Variants in TTN observed in about 807,000 individuals in gnomAD.
TTN encodes connectin.
In TTN, 1,525 loss-of-function variants were observed where a neutral mutation model predicts 3,223.0. The observed-to-expected ratio is 0.47, with a 90% CI of 0.45 to 0.49. TTN has a LOEUF of 0.49. Among genes scored for constraint, TTN ranks in the 20% least tolerant of loss-of-function variants. TTN has a pLI of 0.00. For synonymous variants in TTN, 14,094 were observed against 15,161.0 expected, an observed-to-expected ratio of 0.93 and a Z score of 5.17; for missense variants, 40,786 against 43,424.0, an observed-to-expected ratio of 0.94 and a Z score of 5.40.
chr2:178,773,771 G>A (rs1373456464), intron 31 of TTN, 46 bp from the exon 32 acceptor site: 6 of 1,614,016 alleles, frequency 3.7e-6, no homozygotes, highest in African/African-American at 1.3e-5. Context: ...TGTTGAAATT[G>A]TCTGCTCCTT....
intron 240 of TTN, chr2:178,628,750 T>G (rs964553943): frequency 2.0e-5 from 3 of 152,246 alleles, no homozygotes; most frequent in African/African-American, 7.2e-5. Flanking sequence ...AATAGTCCAC[T>G]TGCATTCCAG....
rs375408819 is a variant in TTN at position 178,729,725 on chromosome 2, A to T, written c.18528T>A (p.Tyr6176Ter). The change falls in exon 63 of 363, where the codon TAT becomes TAA. Residue 6176 changes from tyrosine to a stop codon, truncating the protein, a stop_gained. Coordinates refer to ENST00000589042, the MANE Select transcript of TTN (RefSeq NM_001267550.2). LOFTEE classifies it high-confidence loss of function. ...CTGCGTCATTTCGAGCTTCACACACATAAGTCCCACTATTTTCTACCCTGG... is the reference window on the plus strand; with the variant it reads ...CTGCGTCATTTCGAGCTTCACACACTTAAGTCCCACTATTTTCTACCCTGG... ...SGARVENSGT[Y>*]VCEARNDAGT... The T allele has an allele frequency of 6.2e-7, 1 of 1,613,682 alleles. No homozygotes were observed. The highest frequency in any genetic ancestry group is 1.1e-5 in the South Asian group (1 of 91,084).
Position 178,569,526 on chromosome 2 carries a change from C to A in TTN, c.76606G>T (p.Gly25536Cys), listed in dbSNP as rs764082866. 6.2e-7 allele frequency: 1 copy of A among 1,612,632 alleles called. No homozygotes were observed. Among genetic ancestry groups the A allele is most frequent in the Non-Finnish European group, 8.5e-7 (1 of 1,179,262 alleles). Reference protein sequence around the residue: ...GSLRLFVPIKGRPTPEVKWGK... With the variant: ...GSLRLFVPIKCRPTPEVKWGK... ...CATTTAACTTCTGGTGTAGGACGAC[C>A]TTTTATAGGAACAAATAACCTTAAG... Residue 25536 changes from glycine (G) to cysteine (C), a missense_variant, in exon 326 of 363, where the codon GGT becomes TGT. Coordinates refer to ENST00000589042, the MANE Select transcript of TTN (RefSeq NM_001267550.2).
intron 150 of TTN, 136 bp from the exon 151 acceptor site, chr2:178,674,545 G>T: frequency 2.2e-6 from 1 of 446,770 alleles, no homozygotes; most frequent in Non-Finnish European, 3.9e-6. Context: ...TCTCTACTGG[G>T]TCTTCAAAAT....
Position 178,632,377 on chromosome 2 carries a change from A to G in TTN, c.43517T>C (p.Val14506Ala), listed in dbSNP as rs1270698475. The G allele has an allele frequency of 6.2e-7, 1 of 1,601,036 alleles. No individual in the cohort carries two copies. Among genetic ancestry groups the G allele is most frequent in the South Asian group, 1.1e-5 (1 of 87,968 alleles). The part of the protein sequence containing the change: ...RLKFLTPLKD[V>A]TAKEKESAVF... ...AGCACTTTCCTTCTCTTTGGCAGTT[A>G]CATCTTTGAGAGGGGTGAGGAATTT... Residue 14506 changes from valine (V) to alanine (A), a missense_variant, in exon 236 of 363, where the codon GTA becomes GCA. Physicochemically the swap from Val to Ala is moderately conservative, Grantham distance 64. Transcript: ENST00000589042.
rs10580462 is a variant in TTN at position 178,647,040 on chromosome 2, G to GTATATA, written c.40222+18_40222+23dup. The GTATATA allele has an allele frequency of 1.5e-3, 1,084 of 731,142 alleles. 1 individual carries two copies. Among genetic ancestry groups the GTATATA allele is most frequent in the East Asian group, 7.6e-3 (183 of 24,138 alleles). The allele number at this position is 731,142 out of a possible 1,614,324, so 45.3% of individuals were successfully genotyped here. On this transcript the variant is annotated intron_variant, in intron 215 of 362. Coordinates refer to ENST00000589042, the MANE Select transcript of TTN (RefSeq NM_001267550.2). ...GGAATCTTCAGGAGATTAAAAAAATGTATATATATATATATATATATACCT... is the reference window on the plus strand; with the variant it reads ...GGAATCTTCAGGAGATTAAAAAAATGTATATATATATATATATATATATATATACCT...
rs879215836 is a variant in TTN at position 178,565,349 on chromosome 2, A to G, written c.80783T>C (p.Val26928Ala). 4 of 1,613,604 alleles carry G rather than the reference A, an allele frequency of 2.5e-6. No individual in the cohort carries two copies. The South Asian group carries it at 3.3e-5, about 13-fold the overall frequency. ...AACAGTTGAGGTAGCTGTTTCTTCA[A>G]CGTTTACTCTTGTTGTCTGTTTAAG... is the stretch of plus-strand genomic sequence containing the variant. ...EPLKQTTRVN[V>A]EETATSTVLH... The change falls in exon 326 of 363, where the codon GTT becomes GCT. Residue 26928 changes from valine to alanine, a missense_variant. Physicochemically the swap from Val to Ala is moderately conservative, Grantham distance 64. Coordinates refer to ENST00000589042, the MANE Select transcript of TTN (RefSeq NM_001267550.2).
Position 178,533,759 on chromosome 2 carries a change from C to G in TTN, c.102856G>C (p.Glu34286Gln). The G allele has an allele frequency of 6.2e-7, 1 of 1,613,936 alleles. No individual in the cohort carries two copies. Among genetic ancestry groups the G allele is most frequent in the Non-Finnish European group, 8.5e-7 (1 of 1,179,858 alleles). ...GATTTATACCATGTTACATGAGGCTCTGGGTGGACAGTTATAGTTACTCCA... is the reference window on the plus strand; with the variant it reads ...GATTTATACCATGTTACATGAGGCTGTGGGTGGACAGTTATAGTTACTCCA... ...RFGVTITVHP[E>Q]PHVTWYKSGQ... The change falls in exon 358 of 363, where the codon GAG becomes CAG. Residue 34286 changes from glutamate (E) to glutamine (Q), a missense_variant. By Grantham distance (29) the Glu-to-Gln change is conservative. Transcript: ENST00000589042.
chr2:178,774,188 C>T lies in TTN; in HGVS notation c.7057+19G>A. 1 of 1,614,074 alleles carries T rather than the reference C, an allele frequency of 6.2e-7. No homozygotes were observed. Among genetic ancestry groups the T allele is most frequent in the Non-Finnish European group, 8.5e-7 (1 of 1,179,982 alleles). ...CATAATGATGCTCACTGCAGGCTGA[C>T]AGGAATGGGAGGACTTACGTTTCAT... On this transcript the variant is annotated intron_variant, in intron 30 of 362. Transcript: ENST00000589042.
chr2:178,559,509 C>T lies in TTN; in HGVS notation c.86623G>A (p.Ala28875Thr), dbSNP rs762472705. 21 of 1,613,656 alleles carry T rather than the reference C, an allele frequency of 1.3e-5. No individual in the cohort carries two copies. The Admixed American group carries it at 2.8e-4, about 22-fold the overall frequency. ...TCTATGTGGTAATTCTTCACTGGTG[C>T]TCCACCATCGTTTTCAGGAACATCC... The part of the protein sequence containing the change: ...SWDVPENDGG[A>T]PVKNYHIEKR... Residue 28875 changes from alanine (A) to threonine (T), a missense_variant, in exon 326 of 363, where the codon GCA (alanine) becomes ACA (threonine). Coordinates refer to ENST00000589042, the MANE Select transcript of TTN (RefSeq NM_001267550.2).
Position 178,777,198 on chromosome 2 carries a change from A to T in TTN, c.4765T>A (p.Trp1589Arg). ...ACAATGATGTCACTGTTTTTCAACC[A>T]TACAATGTCAGGGTTGGGGTTACCC... The part of the protein sequence containing the change: ...ATGNPNPDIV[W>R]LKNSDIIVPH... Residue 1589 changes from tryptophan (W) to arginine (R), a missense_variant, in exon 27 of 363, where the codon TGG (tryptophan) becomes AGG (arginine). Coordinates refer to ENST00000589042, the MANE Select transcript of TTN (RefSeq NM_001267550.2). 1 of 1,614,108 alleles carries T rather than the reference A, an allele frequency of 6.2e-7. No homozygotes were observed. Among genetic ancestry groups the T allele is most frequent in the African/African-American group, 1.3e-5 (1 of 75,034 alleles).
rs750041507 is a variant in TTN at position 178,550,218 on chromosome 2, G to A, written c.91620C>T (p.Ser30540=). The A allele has an allele frequency of 7.4e-6, 12 of 1,613,254 alleles. No homozygotes were observed. The highest frequency in any genetic ancestry group is 1.3e-5 in the African/African-American group (1 of 74,800). The change falls in exon 337 of 363, where the codon TCC becomes TCT. Residue 30540 remains serine, a synonymous_variant. Transcript: ENST00000589042. The part of the protein sequence containing the change: ...PEYFDGLIIK[S]GESLRIKALV... ...AAGCTTTAATTCTAAGGCTCTCTCC[G>A]GACTTAATAATGAGACCATCAAAGT...
intron 47 of TTN, among the ~76,000 whole-genome samples, chr2:178,752,513 G>T (rs531948077): frequency 6.6e-6 from 1 of 152,000 alleles, no homozygotes; most frequent in Non-Finnish European, 1.5e-5. Context: ...AAAATAAAAT[G>T]AGAAGGCGTT....
intron 68 of TTN, 30 bp downstream of exon 68, chr2:178,727,555 C>G (rs754387573): frequency 3.3e-6 from 5 of 1,533,498 alleles, no homozygotes; most frequent in Non-Finnish European, 4.4e-6. Flanking sequence ...CACAGTCAGA[C>G]AGAAACATAA....
At position 178,531,016 on chromosome 2, in the gene TTN, C is replaced by G; in HGVS notation, c.105599G>C (p.Ser35200Thr). 1 of 1,613,926 alleles carries G rather than the reference C, an allele frequency of 6.2e-7. No individual in the cohort carries two copies. Among genetic ancestry groups the G allele is most frequent in the Non-Finnish European group, 8.5e-7 (1 of 1,179,876 alleles). ...SVQASDEGNY[S>T]VVVENSEGKQ... is the part of the protein sequence containing the mutation. The stretch of plus-strand genomic sequence containing the variant: ...CCCTTCACTGTTTTCTACCACCACG[C>G]TGTAATTGCCCTCATCGGAAGCCTG... Residue 35200 changes from serine to threonine, a missense_variant, in exon 358 of 363, where the codon AGC becomes ACC. Ser to Thr is a moderately conservative substitution (Grantham distance 58). Transcript: ENST00000589042.
intron 312 of TTN, 176 bp downstream of exon 312, chr2:178,583,431 G>T: frequency 1.2e-6 from 1 of 842,216 alleles, no homozygotes; most frequent in Non-Finnish European, 1.7e-6. Flanking sequence ...TGTGTATCTT[G>T]CTTTTTAATT....
At position 178,693,989 on chromosome 2, in the gene TTN, C is replaced by G; in HGVS notation, c.31446G>C (p.Lys10482Asn). ...IEVKVPAVHT[K>N]KMVISEEKMF... is the part of the protein sequence containing the mutation. ...TCTTTTCTTCTGAAATAACCATCTTCTTTGTATGCACAGCTGGTACTTTAA... is the reference window on the plus strand; with the variant it reads ...TCTTTTCTTCTGAAATAACCATCTTGTTTGTATGCACAGCTGGTACTTTAA... The change falls in exon 118 of 363, where the codon AAG becomes AAC. Residue 10482 changes from lysine to asparagine, a missense_variant. Physicochemically the swap from Lys to Asn is moderately conservative, Grantham distance 94. Coordinates refer to ENST00000589042, the MANE Select transcript of TTN (RefSeq NM_001267550.2). The G allele has an allele frequency of 3.7e-6, 6 of 1,611,834 alleles. No homozygotes were observed. The highest frequency in any genetic ancestry group is 5.1e-6 in the Non-Finnish European group (6 of 1,178,714).
rs2065293906 is a variant in TTN at position 178,663,897 on chromosome 2, C to G, written c.36370G>C (p.Glu12124Gln). The G allele has an allele frequency of 6.2e-7, 1 of 1,613,278 alleles. No homozygotes were observed. Among genetic ancestry groups the G allele is most frequent in the Non-Finnish European group, 8.5e-7 (1 of 1,179,800 alleles). ...TCGCGGATAACCTCTTTGGAAGCTT[C>G]TGGCACTTGAAAGATATTAGTGAAA... ...KPEVPPVKVPEASKEVIREEK... is the reference protein window; with the variant it reads ...KPEVPPVKVPQASKEVIREEK... Residue 12124 changes from glutamate (E) to glutamine (Q), a missense_variant, in exon 170 of 363, where the codon GAA (glutamate) becomes CAA (glutamine). Coordinates refer to ENST00000589042, the MANE Select transcript of TTN (RefSeq NM_001267550.2).
In TTN at chr2:178,583,132, G is replaced by A; in HGVS notation, c.65671C>T (p.Pro21891Ser). 6.2e-7 allele frequency: 1 copy of A among 1,612,286 alleles called. No homozygotes were observed. The highest frequency in any genetic ancestry group is 8.5e-7 in the Non-Finnish European group (1 of 1,179,080). Residue 21891 changes from proline to serine, a missense_variant, in exon 313 of 363, where the codon CCG (proline) becomes TCG (serine). Coordinates refer to ENST00000589042, the MANE Select transcript of TTN (RefSeq NM_001267550.2). The part of the protein sequence containing the change: ...VCLDATVFGK[P>S]MPTVSWKKDG... ...TTTTTCCAAGAAACTGTTGGCATCG[G>A]TTTACCAAAAACAGTAGCATCCAAG...
Sources: allele counts gnomAD v4.1 joint callset (sites outside exome capture counted in the v4.1 genomes callset), GRCh38; gene constraint gnomAD v4.1.1; transcripts MANE v1.5; gene names NCBI Gene and HGNC (gene_info 2026-07-23, HGNC 2026-07-21).